NAALADL2: variants seen among roughly 807,000 people sequenced by gnomAD.
NAALADL2 encodes N-acetylated alpha-linked acidic dipeptidase like 2, also known as inactive N-acetylated-alpha-linked acidic dipeptidase-like protein 2.
In NAALADL2, 76 loss-of-function variants were observed where a neutral mutation model predicts 87.2. The observed-to-expected ratio is 0.87, with a 90% CI of 0.72 to 1.05. NAALADL2 has a LOEUF of 1.05. Among genes scored for constraint, NAALADL2 ranks in the 50% least tolerant of loss-of-function variants. NAALADL2 has a pLI of 0.00. For missense variants in NAALADL2, 1,089 were observed against 945.8 expected, an observed-to-expected ratio of 1.15 and a Z score of -1.99; for synonymous variants, 354 against 331.0, an observed-to-expected ratio of 1.07 and a Z score of -0.75.
At chr3:174,898,551 A>G (rs1466082303) in intron 1 of NAALADL2, among the ~76,000 whole-genome samples, 3 of 152,130 alleles carry the variant, frequency 2.0e-5, no homozygotes, top group Admixed American at 6.5e-5. Context: ...GGAGATGGAC[A>G]TGCTATTCTC....
intron 2 of NAALADL2, among the ~76,000 whole-genome samples, chr3:174,605,447 T>G (rs1388601411): frequency 6.6e-6 from 1 of 152,088 alleles, no homozygotes; most frequent in Non-Finnish European, 1.5e-5. Context: ...ACCTGGAAAA[T>G]CGGGTCACTC....
At chr3:175,646,583 A>C (rs1028773647) in intron 11 of NAALADL2, among the ~76,000 whole-genome samples, 2 of 152,118 alleles carry the variant, frequency 1.3e-5, no homozygotes, top group African/African-American at 2.4e-5. Context: ...TTATGGTGTC[A>C]GTTAGCCTAT....
At chr3:174,669,267 T>G (rs80114290) in intron 2 of NAALADL2, among the ~76,000 whole-genome samples, 8 of 8,470 alleles carry the variant, frequency 9.4e-4, no homozygotes, top group Admixed American at 7.5e-3. Context: ...TGATGGGGTT[T>G]TTTTTTCTTG....
At chr3:175,316,830 A>G (rs890680687) in intron 4 of NAALADL2, among the ~76,000 whole-genome samples, 2 of 152,202 alleles carry the variant, frequency 1.3e-5, no homozygotes, top group Admixed American at 6.5e-5. Flanking sequence ...TTGGTTTGGT[A>G]TAAGCAGTGT....
chr3:175,324,794 A>G (rs1006473439), intron 5 of NAALADL2, among the ~76,000 whole-genome samples: 1 of 152,178 alleles, frequency 6.6e-6, no homozygotes, highest in African/African-American at 2.4e-5. Flanking sequence ...TGGATTTAAT[A>G]TGATTTTCTG....
intron 1 of NAALADL2, among the ~76,000 whole-genome samples, chr3:174,993,169 G>C (rs1201465876): frequency 2.0e-5 from 3 of 152,004 alleles, no homozygotes. Flanking sequence ...ACCTTTCTTG[G>C]TGAGAATTCC....
chr3:174,797,299 T>TTTTG (rs1553858215), intron 3 of NAALADL2, among the ~76,000 whole-genome samples: 3 of 103,308 alleles, frequency 2.9e-5, no homozygotes, highest in South Asian at 6.8e-4. Context: ...TTTGTTTTTC[T>TTTTG]TTTTTCTTTT....
chr3:175,480,017 A>T (rs186761380), intron 9 of NAALADL2, among the ~76,000 whole-genome samples: 20 of 151,888 alleles, frequency 1.3e-4, no homozygotes, highest in African/African-American at 4.6e-4. Flanking sequence ...AGAGGAAGTG[A>T]ATATTTTTAT....
At chr3:174,546,490 G>C (rs1017368101) in intron 1 of NAALADL2, among the ~76,000 whole-genome samples, 1 of 152,088 alleles carries the variant, frequency 6.6e-6, no homozygotes, top group Admixed American at 6.6e-5. Context: ...ATAATACCTG[G>C]TAATGCCACT....
chr3:175,561,538 C>T (rs942203804), intron 9 of NAALADL2, among the ~76,000 whole-genome samples: 1 of 152,036 alleles, frequency 6.6e-6, no homozygotes, highest in African/African-American at 2.4e-5. Flanking sequence ...GTAGACAGTA[C>T]TATCAATAGA....
chr3:174,955,703 A>G (rs1194484553), intron 1 of NAALADL2, among the ~76,000 whole-genome samples: 1 of 152,074 alleles, frequency 6.6e-6, no homozygotes, highest in Non-Finnish European at 1.5e-5. Context: ...GATTGCCCCC[A>G]TAGGTAATAG....
At chr3:174,790,660 AATG>A (rs1472266367) in intron 3 of NAALADL2, among the ~76,000 whole-genome samples, 2 of 152,072 alleles carry the variant, frequency 1.3e-5, no homozygotes, top group Non-Finnish European at 2.9e-5. Flanking sequence ...AAAAAAAAAA[AATG>A]TGCGTAAGTA....
At chr3:174,863,399 C>A (rs896103237) in intron 1 of NAALADL2, among the ~76,000 whole-genome samples, 4 of 152,014 alleles carry the variant, frequency 2.6e-5, no homozygotes, top group Non-Finnish European at 5.9e-5. Context: ...ACCTGTCCAT[C>A]CAGGCTTGGG....
intron 1 of NAALADL2, among the ~76,000 whole-genome samples, chr3:174,889,078 G>T (rs774394960): frequency 1.3e-5 from 2 of 152,100 alleles, no homozygotes; most frequent in Non-Finnish European, 2.9e-5. Context: ...TTTCTACAGT[G>T]ACTCGTGCCT....
intron 2 of NAALADL2, among the ~76,000 whole-genome samples, chr3:175,188,821 G>T (rs994333668): frequency 6.6e-6 from 1 of 152,064 alleles, no homozygotes; most frequent in African/African-American, 2.4e-5. Flanking sequence ...CCAATCCCCT[G>T]GGGCTTGAGT....
intron 1 of NAALADL2, among the ~76,000 whole-genome samples, chr3:174,965,222 G>C (rs866013170): frequency 6.6e-6 from 1 of 152,086 alleles, no homozygotes; most frequent in Admixed American, 6.6e-5. Flanking sequence ...CCATTGGCGG[G>C]AGGCCACAAT....
intron 3 of NAALADL2, among the ~76,000 whole-genome samples, chr3:174,829,959 GGTT>G (rs1369675881): frequency 4.1e-4 from 56 of 135,424 alleles, no homozygotes; most frequent in African/African-American, 1.5e-3. Context: ...TTTTTGATGG[GGTT>G]GTTTGTTTTT....
In NAALADL2 at chr3:175,698,384, T is replaced by C; in HGVS notation, c.1897-38922T>C. 1.8e-5 allele frequency among the ~76,000 whole-genome samples: 2 copies of C among 110,706 alleles called. 1 individual carries two copies. Among genetic ancestry groups the C allele is most frequent in the Non-Finnish European group, 3.6e-5 (2 of 56,198 alleles). The allele number at this position is 110,706 out of a possible 152,430, so 72.6% of individuals were successfully genotyped here. ...GTGTATATATGTATGTGTATTTATG[T>C]ATGTATACATATGTATGTGTATTTA... On this transcript the variant is annotated intron_variant, in intron 11 of 13. Transcript: ENST00000454872.
At chr3:174,557,883 C>T (rs552145227) in intron 2 of NAALADL2, among the ~76,000 whole-genome samples, 9 of 152,224 alleles carry the variant, frequency 5.9e-5, no homozygotes, top group East Asian at 5.8e-4. Context: ...AGCCTTCTAG[C>T]GGAGTCAAAC....
Sources: gnomAD v4.1 joint callset for allele counts (sites outside exome capture counted in the v4.1 genomes callset) on GRCh38, gnomAD v4.1.1 for gene constraint, MANE v1.5 for transcripts, NCBI Gene and HGNC (gene_info 2026-07-23, HGNC 2026-07-21) for gene names.